TIAM2: variants seen among roughly 807,000 people sequenced by gnomAD.
The protein encoded by TIAM2 is rho guanine nucleotide exchange factor TIAM2.
In TIAM2, 80 loss-of-function variants were observed where a neutral mutation model predicts 152.9. The ratio of observed to expected loss-of-function variants is 0.52; its 90% CI spans 0.44 to 0.63. The LOEUF is 0.63. Ranked by LOEUF, TIAM2 falls within the 30% of genes least tolerant of loss-of-function variation. The pLI, the probability that TIAM2 is intolerant of heterozygous loss-of-function variation, is 0.00. For synonymous variants in TIAM2, 804 were observed against 838.0 expected, an observed-to-expected ratio of 0.96 and a Z score of 0.70; for missense variants, 1,965 against 2,120.1, an observed-to-expected ratio of 0.93 and a Z score of 1.44.
chr6:155,168,119 T>G (rs1780490382), intron 9 of TIAM2, among the ~76,000 whole-genome samples: 1 of 152,216 alleles, frequency 6.6e-6, no homozygotes, highest in Admixed American at 6.5e-5. Context: ...TAAGTGTTTA[T>G]ATTGTTTTTA....
intron 22 of TIAM2, among the ~76,000 whole-genome samples, chr6:155,251,666 G>A (rs1157555031): frequency 1.3e-5 from 2 of 152,184 alleles, no homozygotes; most frequent in African/African-American, 4.8e-5. Context: ...ACAGTATATT[G>A]TCACTGAGAT....
intron 16 of TIAM2, among the ~76,000 whole-genome samples, chr6:155,242,581 G>A (rs1783096067): frequency 6.6e-6 from 1 of 152,202 alleles, no homozygotes; most frequent in African/African-American, 2.4e-5. Context: ...GCTTTATAAA[G>A]CTCTGGGTCT....
intron 1 of TIAM2, among the ~76,000 whole-genome samples, chr6:155,074,609 A>C (rs1307441119): frequency 6.6e-6 from 1 of 152,110 alleles, no homozygotes; most frequent in Non-Finnish European, 1.5e-5. Flanking sequence ...TGGCCTCCCA[A>C]AGTGCTGGGA....
intron 16 of TIAM2, among the ~76,000 whole-genome samples, chr6:155,243,327 G>A (rs1419418615): frequency 6.6e-6 from 1 of 152,112 alleles, no homozygotes; most frequent in Non-Finnish European, 1.5e-5. Flanking sequence ...AAGAGGCCAG[G>A]AGCTGGGGTG....
intron 11 of TIAM2, 31 bp downstream of exon 11, chr6:155,179,174 C>G (rs745768414): frequency 6.4e-7 from 1 of 1,571,988 alleles, no homozygotes; most frequent in South Asian, 1.1e-5. Flanking sequence ...GGAAGGGAAA[C>G]TGAACCACAT....
chr6:155,075,302 C>T lies in TIAM2; in HGVS notation c.-208-14987C>T, dbSNP rs554916967. Reference sequence around the variant, plus strand: ...GCTATGGTCTGTTGTAGCTAGATGACGATAAACTAAATGGAATATTGGCCT... The same window carrying T: ...GCTATGGTCTGTTGTAGCTAGATGATGATAAACTAAATGGAATATTGGCCT... On this transcript the variant is annotated intron_variant, in intron 1 of 26. Coordinates refer to ENST00000682666, the MANE Select transcript of TIAM2 (RefSeq NM_012454.4). 6.0e-5 allele frequency among the ~76,000 whole-genome samples: 9 copies of T among 150,956 alleles called. No homozygotes were observed. In the East Asian group the frequency reaches 9.7e-4, roughly 16 times the overall value.
chr6:155,199,270 G>A (rs886917050), intron 14 of TIAM2, among the ~76,000 whole-genome samples: 3 of 151,944 alleles, frequency 2.0e-5, no homozygotes, highest in East Asian at 1.9e-4. Context: ...TAGAGACAGG[G>A]TTTCACCATG....
At chr6:155,125,354 C>T (rs2115031118) in intron 2 of TIAM2, among the ~76,000 whole-genome samples, 1 of 152,256 alleles carries the variant, frequency 6.6e-6, no homozygotes, top group South Asian at 2.1e-4. Flanking sequence ...CTCAATATCA[C>T]TTATCATTAG....
At chr6:155,054,883 G>A (rs533391612) in intron 1 of TIAM2, among the ~76,000 whole-genome samples, 48 of 152,298 alleles carry the variant, frequency 3.2e-4, no homozygotes, top group Admixed American at 1.8e-3. Flanking sequence ...GAGAAGGCAG[G>A]GATGCACAGC....
chr6:155,170,613 G>T (rs1325382684), intron 9 of TIAM2, among the ~76,000 whole-genome samples: 1 of 152,110 alleles, frequency 6.6e-6, no homozygotes, highest in Non-Finnish European at 1.5e-5. Context: ...AAAAAAGAAA[G>T]TTATGAAACT....
chr6:155,054,587 G>GTTTTGT lies in TIAM2; in HGVS notation c.-208-35698_-208-35697insGTTTTT, dbSNP rs1372281145. On this transcript the variant is annotated intron_variant, in intron 1 of 26. Transcript: ENST00000682666. ...ACAGAGTTTTGTTTTGTTTTGTTTT[G>GTTTTGT]TTTTTTTTTTTTGAGACGGAGTCTC... Among the ~76,000 whole-genome samples, 5 of 115,992 alleles carry GTTTTGT rather than the reference G, an allele frequency of 4.3e-5. No individual in the cohort carries two copies. The South Asian group carries it at 1.1e-3, about 25-fold the overall frequency. 76.1% of individuals were successfully genotyped at this position (115,992 alleles called of 152,430 possible).
chr6:155,246,943 A>G (rs2115333862), intron 19 of TIAM2, among the ~76,000 whole-genome samples: 1 of 152,370 alleles, frequency 6.6e-6, no homozygotes. Context: ...GGTGGAATCC[A>G]AGTAGCACTG....
chr6:155,000,756 T>C (rs941678412), intron 1 of TIAM2, among the ~76,000 whole-genome samples: 1 of 152,060 alleles, frequency 6.6e-6, no homozygotes, highest in African/African-American at 2.4e-5. Flanking sequence ...AGGCCGACGC[T>C]GGGGATCACT....
At position 155,179,062 on chromosome 6, in the gene TIAM2, T is replaced by C. The variant is rs200420234; in HGVS notation, c.2547T>C (p.His849=). 7 of 1,614,038 alleles carry C rather than the reference T, an allele frequency of 4.3e-6. No homozygotes were observed. The Admixed American group carries it at 1.0e-4, about 23-fold the overall frequency. Residue 849 remains histidine, a synonymous_variant, in exon 11 of 27, where the codon CAT becomes CAC. Coordinates refer to ENST00000682666, the MANE Select transcript of TIAM2 (RefSeq NM_012454.4). The stretch of plus-strand genomic sequence containing the variant: ...AGATGAGGCAGTTGGAACCCAGCCA[T>C]TATGGCCTACAGCTTCGAAAATTAG... ...ACKMRQLEPS[H]YGLQLRKLVD...
At position 155,129,113 on chromosome 6, in the gene TIAM2, A is replaced by C; in HGVS notation, c.-6-105A>C. On this transcript the variant is annotated intron_variant, in intron 3 of 26. Transcript: ENST00000682666. The surrounding 1 kb of genome is among the most constrained non-coding windows in gnomAD (Gnocchi z 4.8). The stretch of plus-strand genomic sequence containing the variant: ...CCTACTCCTCTGAGTCCTTCCAGGC[A>C]CTGAAGTTGCTGTGTAATATGCAGG... 9.6e-7 allele frequency: 1 copy of C among 1,037,818 alleles called. No individual in the cohort carries two copies. Among genetic ancestry groups the C allele is most frequent in the South Asian group, 1.6e-5 (1 of 61,950 alleles). The allele number at this position is 1,037,818 out of a possible 1,614,324, so 64.3% of individuals were successfully genotyped here.
At position 155,174,942 on chromosome 6, in the gene TIAM2, G is replaced by A. The variant is rs568242755; in HGVS notation, c.2362-1874G>A. The stretch of plus-strand genomic sequence containing the variant: ...CTTCTCAACAAGCCTGGTTTCAGAG[G>A]TGGGGCCTGCACCTTTAAGGCAGCA... On this transcript the variant is annotated intron_variant, in intron 9 of 26. Coordinates refer to ENST00000682666, the MANE Select transcript of TIAM2 (RefSeq NM_012454.4). This position sits in a 1 kb window ranked among gnomAD's most constrained non-coding sequence, Gnocchi z 4.2. Among the ~76,000 whole-genome samples, 2 of 152,152 alleles carry A rather than the reference G, an allele frequency of 1.3e-5. No homozygotes were observed. The highest frequency in any genetic ancestry group is 1.5e-5 in the Non-Finnish European group (1 of 68,044).
At chr6:155,013,348 C>T (rs1212620487) in intron 1 of TIAM2, among the ~76,000 whole-genome samples, 1 of 152,106 alleles carries the variant, frequency 6.6e-6, no homozygotes, top group African/African-American at 2.4e-5. Context: ...GGAGTTTTGT[C>T]TCTTTTGCTT....
intron 7 of TIAM2, among the ~76,000 whole-genome samples, chr6:155,160,773 A>G (rs1341306769): frequency 8.6e-6 from 1 of 116,274 alleles, no homozygotes; most frequent in Non-Finnish European, 2.0e-5. Context: ...AAACAAAAAC[A>G]AAAACAAACA....
intron 3 of TIAM2, among the ~76,000 whole-genome samples, chr6:155,128,136 T>G (rs1198583332): frequency 6.6e-6 from 1 of 152,186 alleles, no homozygotes; most frequent in East Asian, 1.9e-4. Context: ...TACAAGGAAG[T>G]AAGAGTCTAA....
Sources: allele counts gnomAD v4.1 joint callset (sites outside exome capture counted in the v4.1 genomes callset), GRCh38; gene constraint gnomAD v4.1.1; non-coding constraint Gnocchi (gnomAD v3.1); transcripts MANE v1.5; gene names NCBI Gene and HGNC (gene_info 2026-07-23, HGNC 2026-07-21).